Variants in PANX1 observed in about 807,000 individuals in gnomAD.
PANX1 encodes the protein pannexin 1, also known as pannexin-1.
Under a neutral mutation model 38.7 loss-of-function variants are expected in PANX1, and 30 were observed. The ratio of observed to expected loss-of-function variants is 0.78; its 90% CI spans 0.58 to 1.05. The LOEUF is 1.05. PANX1 is among the 50% of genes least tolerant of loss of function. PANX1 has a pLI of 0.00. For missense variants in PANX1, 551 were observed against 517.2 expected (o/e 1.07, Z -0.63); for synonymous variants, 230 against 212.2 (o/e 1.08, Z -0.73).
intron 1 of PANX1, among the ~76,000 whole-genome samples, chr11:94,148,945 G>A (rs1288458628): frequency 6.6e-6 from 1 of 151,920 alleles, no homozygotes; most frequent in Admixed American, 6.6e-5. Context: ...GTGTTTAAAA[G>A]GTAGAGAGAG....
chr11:94,154,930 G>A (rs1256992460), intron 2 of PANX1, among the ~76,000 whole-genome samples: 1 of 152,204 alleles, frequency 6.6e-6, no homozygotes, highest in African/African-American at 2.4e-5. Flanking sequence ...TTGTGCAAAC[G>A]TAATTGTGGG....
Position 94,181,807 on chromosome 11 carries a change from C to T in PANX1, c.*938C>T, listed in dbSNP as rs1947308465. ...ACATTGGCATGCTTCATATGGCGTG[C>T]TTGGAGCCAGAAAAACTTAGCGGTT... On this transcript the variant is annotated 3_prime_UTR_variant, in exon 5 of 5. Transcript: ENST00000227638. 1 of 152,166 alleles carries T rather than the reference C, an allele frequency of 6.6e-6. No homozygotes were observed. Among genetic ancestry groups the T allele is most frequent in the Non-Finnish European group, 1.5e-5 (1 of 68,044 alleles). 9.4% of individuals were successfully genotyped at this position (152,166 alleles called of 1,614,324 possible).
chr11:94,151,382 A>G (rs1946881064), intron 1 of PANX1, among the ~76,000 whole-genome samples: 1 of 152,238 alleles, frequency 6.6e-6, no homozygotes, highest in Non-Finnish European at 1.5e-5. Flanking sequence ...AAGAATGTTA[A>G]TAAATGTTGG....
Position 94,161,533 on chromosome 11 carries a change from T to G in PANX1, c.321+7903T>G, listed in dbSNP as rs1418456796. Among the ~76,000 whole-genome samples, 3 of 152,242 alleles carry G rather than the reference T, an allele frequency of 2.0e-5. No homozygotes were observed. The East Asian group carries it at 5.8e-4, about 29-fold the overall frequency. Reference sequence around the variant, plus strand: ...CAAATCGGCTACTGAGGCTTGTGCATTTGTCAGGTAGTTCTCGTGCCGTGG... The same window carrying G: ...CAAATCGGCTACTGAGGCTTGTGCAGTTGTCAGGTAGTTCTCGTGCCGTGG... On this transcript the variant is annotated intron_variant, in intron 2 of 4. Transcript: ENST00000227638.
chr11:94,160,389 C>G (rs1468456490), intron 2 of PANX1, among the ~76,000 whole-genome samples: 1 of 152,106 alleles, frequency 6.6e-6, no homozygotes, highest in Non-Finnish European at 1.5e-5. Context: ...TAAGGACTGG[C>G]TTTATGAATC....
Position 94,128,843 on chromosome 11 carries a change from A to C in PANX1, c.-470A>C. On this transcript the variant is annotated 5_prime_UTR_variant, in exon 1 of 5. Transcript: ENST00000227638. ...TTCCGGAAGCTCCACGCCCCTGGGT[A>C]CTTGGTTTCCCCGCATGGTTCCGGA... 1 of 152,566 alleles carries C rather than the reference A, an allele frequency of 6.6e-6. No individual in the cohort carries two copies. The highest frequency in any genetic ancestry group is 1.5e-5 in the Non-Finnish European group (1 of 68,258). The allele number at this position is 152,566 out of a possible 1,614,324, so 9.5% of individuals were successfully genotyped here.
chr11:94,179,538 C>A, intron 3 of PANX1, 64 bp from the exon 4 acceptor site: 1 of 1,199,004 alleles, frequency 8.3e-7, no homozygotes, highest in Admixed American at 2.0e-5. Flanking sequence ...GAATGTGTAT[C>A]TGCCTTTAAT....
In PANX1 at chr11:94,180,863, T is replaced by C. The variant is rs749904340; in HGVS notation, c.1275T>C (p.Ser425=). The change falls in exon 5 of 5, where the codon TCT becomes TCC. Residue 425 remains serine, a synonymous_variant. Coordinates refer to ENST00000227638, the MANE Select transcript of PANX1 (RefSeq NM_015368.4). The part of the protein sequence containing the change: ...KNARQRLLDS[S]C ...CCCGACAGAGACTTCTGGATTCTTC[T>C]TGCTGATGATTTTTTTCCTTGAGCT... The C allele has an allele frequency of 6.3e-7, 1 of 1,577,590 alleles. No individual in the cohort carries two copies. The highest frequency in any genetic ancestry group is 8.7e-7 in the Non-Finnish European group (1 of 1,146,836).
At chr11:94,152,506 G>A (rs1208393527) in intron 1 of PANX1, among the ~76,000 whole-genome samples, 1 of 152,084 alleles carries the variant, frequency 6.6e-6, no homozygotes, top group Non-Finnish European at 1.5e-5. Context: ...TGCCTGTCAT[G>A]GAGCCTTAGC....
chr11:94,129,269 C>A lies in PANX1; in HGVS notation c.-44C>A. The A allele has an allele frequency of 1.3e-6, 2 of 1,541,442 alleles. No homozygotes were observed. The highest frequency in any genetic ancestry group is 2.4e-5 in the South Asian group (2 of 85,088). On this transcript the variant is annotated 5_prime_UTR_variant, in exon 1 of 5. Transcript: ENST00000227638. ...AGGCGCCGCGCAGCTTTCCCGACGC[C>A]GGCTGTACCCGGACCTCCTGGTCGA...
chr11:94,159,486 G>A (rs1239208620), intron 2 of PANX1, among the ~76,000 whole-genome samples: 1 of 152,160 alleles, frequency 6.6e-6, no homozygotes, highest in East Asian at 1.9e-4. Context: ...TCTTGGGAGG[G>A]TGTATGTGTC....
rs746535443 is a variant in PANX1 at position 94,180,012 on chromosome 11, A to G, written c.956A>G (p.His319Arg). The G allele has an allele frequency of 1.3e-6, 2 of 1,598,706 alleles. No individual in the cohort carries two copies. The highest frequency in any genetic ancestry group is 3.4e-5 in the Admixed American group (2 of 59,098). ...ATCCTCCCCACTTTTGATGTTCTGC[A>G]TTTCAAATCTGAAGGGTACAACGAT... ...YEILPTFDVLHFKSEGYNDLS... is the reference protein window; with the variant it reads ...YEILPTFDVLRFKSEGYNDLS... Residue 319 changes from histidine (H) to arginine (R), a missense_variant, in exon 4 of 5, where the codon CAT becomes CGT. Transcript: ENST00000227638.
intron 1 of PANX1, among the ~76,000 whole-genome samples, chr11:94,138,219 G>A (rs1429016306): frequency 6.6e-6 from 1 of 152,118 alleles, no homozygotes; most frequent in Non-Finnish European, 1.5e-5. Context: ...AAAAGTTAGT[G>A]GATTATCGTC....
intron 2 of PANX1, among the ~76,000 whole-genome samples, chr11:94,170,453 G>A (rs938904889): frequency 4.6e-5 from 7 of 151,726 alleles, no homozygotes; most frequent in Admixed American, 3.9e-4. Flanking sequence ...TTGTTTATCC[G>A]TTCATCAGCG....
At chr11:94,153,933 G>C (rs961592141) in intron 2 of PANX1, among the ~76,000 whole-genome samples, 24 of 152,170 alleles carry the variant, frequency 1.6e-4, no homozygotes, top group Admixed American at 4.6e-4. Context: ...CCCGTAGTAG[G>C]TTCTTAGTAC....
intron 2 of PANX1, among the ~76,000 whole-genome samples, chr11:94,169,865 C>T (rs183273409): frequency 2.9e-4 from 44 of 151,648 alleles, no homozygotes; most frequent in Non-Finnish European, 5.4e-4. Flanking sequence ...GGTTTTAAGC[C>T]ATCAAATTTG....
chr11:94,159,594 A>G (rs1190268275), intron 2 of PANX1, among the ~76,000 whole-genome samples: 1 of 151,738 alleles, frequency 6.6e-6, no homozygotes, highest in Non-Finnish European at 1.5e-5. Flanking sequence ...ATCATTTTTT[A>G]TTGCGTCTAT....
intron 1 of PANX1, among the ~76,000 whole-genome samples, chr11:94,147,634 T>C (rs11822030): frequency 0.055 from 8,438 of 152,308 alleles, 806 homozygotes; most frequent in African/African-American, 0.19. Flanking sequence ...GCGTTGTTCA[T>C]ACCGTCATTC....
chr11:94,149,226 C>G (rs1412655505), intron 1 of PANX1, among the ~76,000 whole-genome samples: 1 of 152,218 alleles, frequency 6.6e-6, no homozygotes. Context: ...GGAGAGCCAT[C>G]CCACTGTGGT....
Sources: allele counts gnomAD v4.1 joint callset (sites outside exome capture counted in the v4.1 genomes callset), GRCh38; gene constraint gnomAD v4.1.1; transcripts MANE v1.5; gene names NCBI Gene and HGNC (gene_info 2026-07-23, HGNC 2026-07-21).